LRP1B: variants seen among roughly 807,000 people sequenced by gnomAD.
LRP1B encodes LDL receptor related protein 1B.
Under a neutral mutation model 556.6 loss-of-function variants are expected in LRP1B, and 217 were observed. That is an observed-to-expected ratio of 0.39 (90% confidence interval 0.35 to 0.44). The LOEUF is 0.44. LRP1B is among the 20% of genes least tolerant of loss of function. The probability of loss-of-function intolerance (pLI) is 1.00; values close to 1 mark genes in which losing one functional copy is unlikely to be tolerated. For synonymous variants in LRP1B, 2,047 were observed against 1,865.8 expected, an observed-to-expected ratio of 1.10 and a Z score of -2.50; for missense variants, 5,053 against 5,620.8, an observed-to-expected ratio of 0.90 and a Z score of 3.23.
At chr2:141,074,569 GTCTCTC>G (rs368177753) in intron 7 of LRP1B, among the ~76,000 whole-genome samples, 2 of 136,308 alleles carry the variant, frequency 1.5e-5, no homozygotes, top group Non-Finnish European at 3.1e-5. Context: ...CTGTCTCTCT[GTCTCTC>G]TCTCTCTCTC....
intron 2 of LRP1B, among the ~76,000 whole-genome samples, chr2:141,700,499 A>C (rs1691902811): frequency 6.6e-6 from 1 of 151,818 alleles, no homozygotes; most frequent in South Asian, 2.1e-4. Flanking sequence ...AATGTTTCCT[A>C]ATTTTTACAT....
intron 3 of LRP1B, among the ~76,000 whole-genome samples, chr2:141,475,864 C>T: frequency 6.6e-6 from 1 of 152,146 alleles, no homozygotes; most frequent in African/African-American, 2.4e-5. Context: ...CCATTGAGAA[C>T]CACCTCCGTC....
chr2:141,369,584 CATT>C (rs1689155512), intron 3 of LRP1B, among the ~76,000 whole-genome samples: 1 of 152,036 alleles, frequency 6.6e-6, no homozygotes, highest in Non-Finnish European at 1.5e-5. Flanking sequence ...TTTCCATTAC[CATT>C]ATTATCATCA....
intron 43 of LRP1B, among the ~76,000 whole-genome samples, chr2:140,576,656 A>C (rs1396857471): frequency 6.6e-6 from 1 of 151,900 alleles, no homozygotes; most frequent in East Asian, 1.9e-4. Context: ...TTCTCCCAAC[A>C]CTCATCACAC....
chr2:141,624,167 T>G (rs550039782), intron 2 of LRP1B, among the ~76,000 whole-genome samples: 1 of 152,088 alleles, frequency 6.6e-6, no homozygotes, highest in Non-Finnish European at 1.5e-5. Context: ...AAATCTTCAT[T>G]TGAGAACTTT....
intron 15 of LRP1B, 111 bp downstream of exon 15, chr2:141,005,224 A>C: frequency 8.5e-7 from 1 of 1,183,126 alleles, no homozygotes. Flanking sequence ...TATCTAAATA[A>C]TTATCTGAAT....
chr2:141,347,529 T>C (rs1688298372), intron 3 of LRP1B, among the ~76,000 whole-genome samples: 1 of 151,966 alleles, frequency 6.6e-6, no homozygotes, highest in Admixed American at 6.6e-5. Context: ...ATAAAAATAT[T>C]GAGCTTTACA....
intron 35 of LRP1B, among the ~76,000 whole-genome samples, chr2:140,729,236 T>C (rs997350181): frequency 1.3e-5 from 2 of 152,156 alleles, no homozygotes; most frequent in African/African-American, 4.8e-5. Context: ...GATCATCGCC[T>C]GTGATTTTTT....
At chr2:140,413,267 C>A (rs1046271463) in intron 66 of LRP1B, among the ~76,000 whole-genome samples, 1 of 152,108 alleles carries the variant, frequency 6.6e-6, no homozygotes. Flanking sequence ...AAAATAAAGT[C>A]ATCTTAATCC....
At chr2:140,856,893 A>C (rs561029691) in intron 27 of LRP1B, among the ~76,000 whole-genome samples, 31 of 152,288 alleles carry the variant, frequency 2.0e-4, no homozygotes, top group Middle Eastern at 3.4e-3. Context: ...AAATTGCAGC[A>C]ATCTAAAAAT....
intron 86 of LRP1B, among the ~76,000 whole-genome samples, chr2:140,266,367 G>A (rs1347382901): frequency 6.6e-6 from 1 of 151,914 alleles, no homozygotes; most frequent in Non-Finnish European, 1.5e-5. Flanking sequence ...CCTTTGATTT[G>A]TAGGAATCTA....
chr2:141,708,402 T>C (rs2105473822), intron 2 of LRP1B, among the ~76,000 whole-genome samples: 1 of 152,190 alleles, frequency 6.6e-6, no homozygotes, highest in South Asian at 2.1e-4. Context: ...GAGTTGGTTT[T>C]TCCCTTTAGG....
At chr2:141,349,579 A>C (rs1219945828) in intron 3 of LRP1B, among the ~76,000 whole-genome samples, 2 of 152,168 alleles carry the variant, frequency 1.3e-5, no homozygotes, top group East Asian at 3.9e-4. Flanking sequence ...CCTTCAGAAA[A>C]ATGTCTTATA....
At position 141,500,621 on chromosome 2, in the gene LRP1B, A is replaced by G. The variant is rs180730146; in HGVS notation, c.206-20088T>C. ...TTTGTCTCAGGAAGATAAACTATAG[A>G]AGGAATATTATGGCAAATTAAAGTA... On this transcript the variant is annotated intron_variant, in intron 2 of 90. Transcript: ENST00000389484. Among the ~76,000 whole-genome samples the G allele has an allele frequency of 2.8e-3, 434 of 152,304 alleles. 4 individuals carry two copies. The highest frequency in any genetic ancestry group is 8.4e-3 in the African/African-American group (350 of 41,586).
rs565466599 is a variant in LRP1B, at chr2:141,354,778, A to T, written c.344-100137T>A. Among the ~76,000 whole-genome samples, 15 of 147,892 alleles carry T rather than the reference A, an allele frequency of 1.0e-4. No homozygotes were observed. The South Asian group carries it at 2.8e-3, about 27-fold the overall frequency. On this transcript the variant is annotated intron_variant, in intron 3 of 90. Transcript: ENST00000389484. ...AAAGTGCAATCAACCCTGCAATTAT[A>T]AAAAAAAAACTGAAAAAAATTTAAG...
intron 2 of LRP1B, among the ~76,000 whole-genome samples, chr2:141,736,958 C>G (rs1364985174): frequency 6.6e-6 from 1 of 152,156 alleles, no homozygotes; most frequent in Non-Finnish European, 1.5e-5. Flanking sequence ...TTCCTCTGGC[C>G]TCTCAGAGTG....
At chr2:140,338,483 T>A (rs1249474082) in intron 77 of LRP1B, among the ~76,000 whole-genome samples, 1 of 151,748 alleles carries the variant, frequency 6.6e-6, no homozygotes, top group Non-Finnish European at 1.5e-5. Context: ...TCTCAACCTA[T>A]GGCCAAATTA....
At chr2:140,440,602 AT>A (rs1394144671) in intron 66 of LRP1B, among the ~76,000 whole-genome samples, 1 of 152,172 alleles carries the variant, frequency 6.6e-6, no homozygotes, top group Non-Finnish European at 1.5e-5. Flanking sequence ...GTGGCCACTT[AT>A]CCCTTTCAAA....
chr2:141,688,265 C>A (rs1024242274), intron 2 of LRP1B, among the ~76,000 whole-genome samples: 1 of 151,604 alleles, frequency 6.6e-6, no homozygotes, highest in Admixed American at 6.6e-5. Context: ...AGGCTATGTT[C>A]TCTTCATGTG....
Sources: gnomAD v4.1 joint callset for allele counts (sites outside exome capture counted in the v4.1 genomes callset) on GRCh38, gnomAD v4.1.1 for gene constraint, MANE v1.5 for transcripts, NCBI Gene and HGNC (gene_info 2026-07-23, HGNC 2026-07-21) for gene names.